The following GRIK1 variants were observed in gnomAD, a reference collection of about 807,000 sequenced individuals.
The protein encoded by GRIK1 is glutamate receptor ionotropic, kainate 1.
A neutral mutation model predicts 105.7 loss-of-function variants in GRIK1; 69 were observed. The observed-to-expected ratio is 0.65, with a 90% CI of 0.54 to 0.80. GRIK1 has a LOEUF of 0.80. Ranked by LOEUF, GRIK1 falls within the 30% of genes least tolerant of loss-of-function variation. GRIK1 has a pLI of 0.00. For missense variants in GRIK1, 1,109 were observed against 1,167.3 expected (o/e 0.95, Z 0.73); for synonymous variants, 438 against 431.3 (o/e 1.02, Z -0.19).
intron 3 of GRIK1, among the ~76,000 whole-genome samples, chr21:29,674,741 TCCC>T (rs1193116206): frequency 3.3e-5 from 5 of 152,182 alleles, no homozygotes; most frequent in Admixed American, 6.5e-5. Flanking sequence ...TCCTGAGGCC[TCCC>T]CAGCCATGTG....
rs528991213 is a variant in GRIK1 at position 29,693,317 on chromosome 21, T to G, written c.286+579A>C. Among the ~76,000 whole-genome samples, 18 of 152,322 alleles carry G rather than the reference T, an allele frequency of 1.2e-4. No individual in the cohort carries two copies. The South Asian group carries it at 3.7e-3, about 32-fold the overall frequency. ...TGAGAGAAACCTTGCAGCCAACATA[T>G]GAATTAGATTACTTTTTAGGCTAGG... On this transcript the variant is annotated intron_variant, in intron 2 of 17. Transcript: ENST00000327783.
At chr21:29,538,984 T>G (rs1431897328) in intron 16 of GRIK1, among the ~76,000 whole-genome samples, 1 of 152,178 alleles carries the variant, frequency 6.6e-6, no homozygotes, top group African/African-American at 2.4e-5. Flanking sequence ...ACTGGTTCTT[T>G]GAATAAAACT....
intron 1 of GRIK1, among the ~76,000 whole-genome samples, chr21:29,823,295 G>A (rs1344543561): frequency 1.3e-5 from 2 of 151,844 alleles, no homozygotes; most frequent in Admixed American, 6.6e-5. Flanking sequence ...CAACACTGAT[G>A]TATTAACTTT....
chr21:29,625,474 G>C (rs959678746), intron 7 of GRIK1, among the ~76,000 whole-genome samples: 3 of 152,088 alleles, frequency 2.0e-5, no homozygotes, highest in African/African-American at 7.2e-5. Flanking sequence ...CCGCCAACCA[G>C]TTCCCAAGAG....
chr21:29,861,581 A>AACCAAAACT (rs879915253), intron 1 of GRIK1: 1 of 353,688 alleles, frequency 2.8e-6, no homozygotes, highest in Non-Finnish European at 5.6e-6. Flanking sequence ...GTGTGGGATT[A>AACCAAAACT]TAGGTGTGAG....
chr21:29,717,490 C>T (rs1213561753), intron 1 of GRIK1, among the ~76,000 whole-genome samples: 2 of 152,210 alleles, frequency 1.3e-5, no homozygotes, highest in Non-Finnish European at 2.9e-5. Flanking sequence ...TCAGCATGAC[C>T]TAGATGTGCA....
chr21:29,705,864 T>C (rs1487963110), intron 1 of GRIK1, among the ~76,000 whole-genome samples: 3 of 150,880 alleles, frequency 2.0e-5, no homozygotes, highest in Admixed American at 2.0e-4. Context: ...TTTTTCTTTC[T>C]TTTCTTTTCT....
chr21:29,541,541 A>G (rs1023044010), intron 16 of GRIK1, among the ~76,000 whole-genome samples: 2 of 140,426 alleles, frequency 1.4e-5, no homozygotes, highest in African/African-American at 5.7e-5. Context: ...CATAGTATAT[A>G]TTTTAACTCT....
chr21:29,787,696 CT>C (rs1569093575), intron 1 of GRIK1, among the ~76,000 whole-genome samples: 1 of 152,216 alleles, frequency 6.6e-6, no homozygotes, highest in Non-Finnish European at 1.5e-5. Context: ...ACATTTTCAT[CT>C]TTAGCCTATA....
chr21:29,726,243 A>G (rs2064455645), intron 1 of GRIK1, among the ~76,000 whole-genome samples: 1 of 152,208 alleles, frequency 6.6e-6, no homozygotes, highest in Non-Finnish European at 1.5e-5. Context: ...TCAAGGCCAG[A>G]ATATTTAACT....
chr21:29,693,848 A>G, intron 2 of GRIK1, 48 bp downstream of exon 2: 1 of 1,384,898 alleles, frequency 7.2e-7, no homozygotes, highest in Non-Finnish European at 1.0e-6. Context: ...TGACTTGGAG[A>G]GCAGACATAT....
At chr21:29,617,342 T>C (rs933607611) in intron 7 of GRIK1, among the ~76,000 whole-genome samples, 5 of 152,182 alleles carry the variant, frequency 3.3e-5, no homozygotes, top group Non-Finnish European at 5.9e-5. Context: ...TGTGTCACAT[T>C]TTTTACACCA....
At chr21:29,713,358 G>A (rs1251949645) in intron 1 of GRIK1, among the ~76,000 whole-genome samples, 1 of 151,978 alleles carries the variant, frequency 6.6e-6, no homozygotes, top group Non-Finnish European at 1.5e-5. Context: ...TACAACCATA[G>A]TTGTAATTGA....
In GRIK1 at chr21:29,560,519, C is replaced by CCTTCCTTCCTTT. The variant is rs2090436242; in HGVS notation, c.2356+1104_2356+1105insAAAGGAAGGAAG. 1.9e-4 allele frequency among the ~76,000 whole-genome samples: 11 copies of CCTTCCTTCCTTT among 57,834 alleles called. 1 individual carries two copies. Among genetic ancestry groups the CCTTCCTTCCTTT allele is most frequent in the Admixed American group, 1.7e-3 (8 of 4,824 alleles). The allele number at this position is 57,834 out of a possible 152,430, so 37.9% of individuals were successfully genotyped here. A position where few individuals can be genotyped will look rare whatever the true frequency, so the allele number is the denominator to read the frequency against. On this transcript the variant is annotated intron_variant, in intron 15 of 17. Coordinates refer to ENST00000327783, the MANE Select transcript of GRIK1 (RefSeq NM_001330994.2). ...TCTTTCCTTCCTTCCTTCCTTCCTTCCTTTCTTTCTTTCTTTCTTTCTTTC... is the reference window on the plus strand; with the variant it reads ...TCTTTCCTTCCTTCCTTCCTTCCTTCCTTCCTTCCTTTCTTTCTTTCTTTCTTTCTTTCTTTC...
intron 12 of GRIK1, among the ~76,000 whole-genome samples, chr21:29,585,229 T>C (rs2091105265): frequency 6.6e-6 from 1 of 152,106 alleles, no homozygotes; most frequent in South Asian, 2.1e-4. Flanking sequence ...GGGGTACTGT[T>C]ATCTTAATAG....
chr21:29,727,644 AGGCTT>A (rs1197233648), intron 1 of GRIK1, among the ~76,000 whole-genome samples: 1 of 152,212 alleles, frequency 6.6e-6, no homozygotes, highest in East Asian at 1.9e-4. Context: ...CTCTTGTAAG[AGGCTT>A]GAAGTGTAAA....
rs139563599 is a variant in GRIK1 at position 29,624,186 on chromosome 21, G to A, written c.1098+18640C>T. Among the ~76,000 whole-genome samples the A allele has an allele frequency of 4.1e-4, 63 of 152,240 alleles. No individual in the cohort carries two copies. In the East Asian group the frequency reaches 9.1e-3, roughly 22 times the overall value. On this transcript the variant is annotated intron_variant, in intron 7 of 17. Coordinates refer to ENST00000327783, the MANE Select transcript of GRIK1 (RefSeq NM_001330994.2). ...AATATTTGGCAGTGACTACACTCAT[G>A]ACATGTATTGATGCAGAAAAATGTT...
Position 29,876,112 on chromosome 21 carries a change from ATGTGTG to A in GRIK1, c.118+63265_118+63270del, listed in dbSNP as rs1555903193. Among the ~76,000 whole-genome samples the A allele has an allele frequency of 6.7e-5, 10 of 149,090 alleles. No individual in the cohort carries two copies. In the South Asian group the frequency reaches 1.1e-3, roughly 16 times the overall value. On this transcript the variant is annotated intron_variant, in intron 1 of 17. Coordinates refer to ENST00000327783, the MANE Select transcript of GRIK1 (RefSeq NM_001330994.2). Reference sequence around the variant, plus strand: ...ACAATCCCAAGGGGAGGAGATAGATATGTGTGTGTGTGTGTGTGTGTGTGTGTGTGT... The same window carrying A: ...ACAATCCCAAGGGGAGGAGATAGATATGTGTGTGTGTGTGTGTGTGTGTGT...
intron 14 of GRIK1, among the ~76,000 whole-genome samples, chr21:29,571,395 C>T (rs900802999): frequency 2.6e-5 from 4 of 151,890 alleles, no homozygotes. Flanking sequence ...GTTCCCTCAG[C>T]CTTATATGAG....
Sources: allele counts gnomAD v4.1 joint callset (sites outside exome capture counted in the v4.1 genomes callset), GRCh38; gene constraint gnomAD v4.1.1; transcripts MANE v1.5; gene names NCBI Gene and HGNC (gene_info 2026-07-23, HGNC 2026-07-21).